The following MAGI2 variants were observed in gnomAD, a reference collection of about 807,000 sequenced individuals.
The protein encoded by MAGI2 is membrane associated guanylate kinase, WW and PDZ domain containing 2, also known as membrane-associated guanylate kinase, WW and PDZ domain-containing protein 2.
Under a neutral mutation model 133.3 loss-of-function variants are expected in MAGI2, and 35 were observed. That is an observed-to-expected ratio of 0.26 (90% CI 0.20 to 0.35). MAGI2 has a LOEUF of 0.35. Among genes scored for constraint, MAGI2 ranks in the 10% least tolerant of loss-of-function variants. MAGI2 has a pLI of 1.00. For missense variants in MAGI2, 1,636 were observed against 1,863.4 expected (o/e 0.88, Z 2.25); for synonymous variants, 729 against 710.6 (o/e 1.03, Z -0.41).
At chr7:79,452,616 G>A (rs78136056) in intron 1 of MAGI2, among the ~76,000 whole-genome samples, 6,913 of 151,974 alleles carry the variant, frequency 0.045, 497 homozygotes, top group African/African-American at 0.16. Context: ...GCTGCACCCT[G>A]AAGTTGCTCC....
chr7:78,738,088 T>C (rs1460622183), intron 2 of MAGI2, among the ~76,000 whole-genome samples: 5 of 152,112 alleles, frequency 3.3e-5, no homozygotes, highest in African/African-American at 1.2e-4. Flanking sequence ...TTTATTATTA[T>C]TGTAAATTAA....
At chr7:78,318,433 G>A (rs1384338994) in intron 9 of MAGI2, among the ~76,000 whole-genome samples, 3 of 151,856 alleles carry the variant, frequency 2.0e-5, no homozygotes, top group Non-Finnish European at 4.4e-5. Flanking sequence ...AAAAAAGAAC[G>A]AAAAGGAACA....
intron 2 of MAGI2, among the ~76,000 whole-genome samples, chr7:78,873,836 ACTT>A (rs1336937340): frequency 1.3e-5 from 2 of 152,086 alleles, no homozygotes; most frequent in African/African-American, 4.8e-5. Flanking sequence ...GCTGAGTACT[ACTT>A]CAAGTGCAGC....
intron 1 of MAGI2, among the ~76,000 whole-genome samples, chr7:79,297,957 C>G (rs73151301): frequency 6.6e-6 from 1 of 152,190 alleles, no homozygotes; most frequent in Non-Finnish European, 1.5e-5. Context: ...AACCATTTCT[C>G]TCTGTTAGAA....
At chr7:78,691,998 C>T (rs1350113076) in intron 2 of MAGI2, among the ~76,000 whole-genome samples, 2 of 151,954 alleles carry the variant, frequency 1.3e-5, no homozygotes, top group South Asian at 2.1e-4. Flanking sequence ...TTGCATGCGT[C>T]GGGGCAGGGG....
chr7:78,278,644 C>CT (rs1473567875), intron 9 of MAGI2, among the ~76,000 whole-genome samples: 2 of 152,122 alleles, frequency 1.3e-5, no homozygotes, highest in Non-Finnish European at 2.9e-5. Context: ...AATTAACTGA[C>CT]TTTAAGTAAA....
intron 10 of MAGI2, among the ~76,000 whole-genome samples, chr7:78,241,239 A>G (rs1460345997): frequency 6.6e-6 from 1 of 152,114 alleles, no homozygotes; most frequent in African/African-American, 2.4e-5. Context: ...AAACTGACAA[A>G]ATATAAAAAC....
chr7:79,400,375 T>C (rs1563188934), intron 1 of MAGI2, among the ~76,000 whole-genome samples: 2 of 152,190 alleles, frequency 1.3e-5, no homozygotes, highest in Non-Finnish European at 2.9e-5. Flanking sequence ...AGAGTAATCA[T>C]TCTATTTTTT....
chr7:78,375,630 G>T (rs752931282), intron 6 of MAGI2, among the ~76,000 whole-genome samples: 1 of 151,982 alleles, frequency 6.6e-6, no homozygotes, highest in African/African-American at 2.4e-5. Context: ...TAGAGGTAAT[G>T]ACTGTACAAA....
intron 11 of MAGI2, among the ~76,000 whole-genome samples, chr7:78,200,695 T>C (rs976648659): frequency 6.6e-6 from 1 of 152,094 alleles, no homozygotes; most frequent in African/African-American, 2.4e-5. Context: ...TATATACACA[T>C]GACACATACA....
intron 20 of MAGI2, among the ~76,000 whole-genome samples, chr7:78,083,124 A>G (rs922691722): frequency 2.9e-4 from 44 of 152,006 alleles, no homozygotes; most frequent in Non-Finnish European, 5.3e-4. Flanking sequence ...CGCTATCACA[A>G]TCGGGAGAAT....
chr7:79,235,617 T>G (rs1213191928), intron 1 of MAGI2, among the ~76,000 whole-genome samples: 1 of 152,220 alleles, frequency 6.6e-6, no homozygotes, highest in East Asian at 1.9e-4. Context: ...CCCCTTGCGC[T>G]TCCCAAGTGA....
chr7:78,908,064 G>C (rs543892598), intron 2 of MAGI2, among the ~76,000 whole-genome samples: 1 of 152,306 alleles, frequency 6.6e-6, no homozygotes, highest in East Asian at 1.9e-4. Context: ...TGCAAAGACA[G>C]TAAGTTAGGG....
chr7:79,285,957 T>C (rs1835967147), intron 1 of MAGI2, among the ~76,000 whole-genome samples: 1 of 152,038 alleles, frequency 6.6e-6, no homozygotes, highest in African/African-American at 2.4e-5. Flanking sequence ...CAGTAGACAG[T>C]TAAAAATGAG....
At chr7:79,351,183 T>C (rs974740001) in intron 1 of MAGI2, among the ~76,000 whole-genome samples, 6 of 152,152 alleles carry the variant, frequency 3.9e-5, no homozygotes, top group Non-Finnish European at 8.8e-5. Context: ...AGAATGATTT[T>C]ACATTTTCAT....
intron 3 of MAGI2, among the ~76,000 whole-genome samples, chr7:78,550,883 T>C (rs956003560): frequency 2.6e-5 from 4 of 152,180 alleles, no homozygotes; most frequent in Non-Finnish European, 4.4e-5. Context: ...ATTGGAATTA[T>C]ACAGAACTTC....
At chr7:79,407,913 G>T (rs891945836) in intron 1 of MAGI2, among the ~76,000 whole-genome samples, 1 of 151,878 alleles carries the variant, frequency 6.6e-6, no homozygotes, top group African/African-American at 2.4e-5. Flanking sequence ...ATATTATTAA[G>T]CCTTTAAATT....
chr7:78,907,835 A>G (rs1429669635), intron 2 of MAGI2, among the ~76,000 whole-genome samples: 1 of 152,176 alleles, frequency 6.6e-6, no homozygotes, highest in African/African-American at 2.4e-5. Context: ...GGTCTTTCAA[A>G]AGTTAATTAA....
At chr7:78,083,316 C>T (rs1385082592) in intron 20 of MAGI2, among the ~76,000 whole-genome samples, 1 of 135,326 alleles carries the variant, frequency 7.4e-6, no homozygotes, top group Non-Finnish European at 1.5e-5. Context: ...TTTAAAATAT[C>T]GAGTTCCAGT....
Sources: allele counts gnomAD v4.1 joint callset (sites outside exome capture counted in the v4.1 genomes callset), GRCh38; gene constraint gnomAD v4.1.1; transcripts MANE v1.5; gene names NCBI Gene and HGNC (gene_info 2026-07-23, HGNC 2026-07-21).